Variants in ERBB4 observed in about 807,000 individuals in gnomAD.
ERBB4 encodes the protein receptor tyrosine-protein kinase erbB-4.
Under a neutral mutation model 158.0 loss-of-function variants are expected in ERBB4, and 42 were observed. The observed-to-expected ratio is 0.27, with a 90% CI of 0.21 to 0.34. ERBB4 has a LOEUF of 0.34. Among genes scored for constraint, ERBB4 ranks in the 10% least tolerant of loss-of-function variants. ERBB4 has a pLI of 1.00. For missense variants in ERBB4, 1,333 were observed against 1,624.1 expected, an observed-to-expected ratio of 0.82 and a Z score of 3.08; for synonymous variants, 583 against 558.7, an observed-to-expected ratio of 1.04 and a Z score of -0.61.
intron 3 of ERBB4, among the ~76,000 whole-genome samples, chr2:211,824,572 C>A (rs1430008998): frequency 6.6e-6 from 1 of 151,766 alleles, no homozygotes; most frequent in Non-Finnish European, 1.5e-5. Flanking sequence ...AATGCTACTT[C>A]AAAAGTTTTA....
At chr2:211,713,439 G>A (rs1199541276) in intron 8 of ERBB4, 96 bp downstream of exon 8, 5 of 755,178 alleles carry the variant, frequency 6.6e-6, no homozygotes, top group South Asian at 1.5e-5. Flanking sequence ...GGTTGTGAGA[G>A]TGGGTTTATA....
At chr2:211,675,272 A>C (rs6714941) in intron 13 of ERBB4, among the ~76,000 whole-genome samples, 87,197 of 151,880 alleles carry the variant, frequency 0.57, 26,099 homozygotes, top group African/African-American at 0.71. Flanking sequence ...GTATGTGTTA[A>C]CTTAGCAAGT....
At chr2:211,821,687 C>T (rs977255296) in intron 3 of ERBB4, among the ~76,000 whole-genome samples, 3 of 151,858 alleles carry the variant, frequency 2.0e-5, no homozygotes, top group African/African-American at 7.3e-5. Flanking sequence ...GAATAGAGAA[C>T]CCAGAAATTA....
At chr2:211,453,388 G>A (rs965128582) in intron 20 of ERBB4, among the ~76,000 whole-genome samples, 28 of 151,952 alleles carry the variant, frequency 1.8e-4, no homozygotes, top group African/African-American at 6.8e-4. Context: ...AAAAATTTTG[G>A]TTTATTTAAT....
chr2:211,852,681 C>A (rs1488686708), intron 3 of ERBB4, among the ~76,000 whole-genome samples: 1 of 136,430 alleles, frequency 7.3e-6, no homozygotes, highest in African/African-American at 2.7e-5. Flanking sequence ...TGTCTATCCA[C>A]TCTTCAATAG....
intron 2 of ERBB4, among the ~76,000 whole-genome samples, chr2:211,957,365 G>A (rs1475315656): frequency 2.6e-5 from 4 of 152,054 alleles, no homozygotes; most frequent in South Asian, 4.2e-4. Context: ...CAAGGAGAGA[G>A]ATCTCAGAAG....
At chr2:212,231,940 A>G (rs1428596145) in intron 1 of ERBB4, among the ~76,000 whole-genome samples, 1 of 152,150 alleles carries the variant, frequency 6.6e-6, no homozygotes, top group Non-Finnish European at 1.5e-5. Flanking sequence ...TTTAATCTGA[A>G]GCTTTTACTT....
chr2:211,878,089 C>G (rs970994688), intron 3 of ERBB4, among the ~76,000 whole-genome samples: 3 of 152,220 alleles, frequency 2.0e-5, no homozygotes, highest in African/African-American at 7.2e-5. Flanking sequence ...GCCTGAGGAA[C>G]AGAGCGAGAC....
intron 2 of ERBB4, among the ~76,000 whole-genome samples, chr2:212,112,264 C>G (rs1296064116): frequency 1.3e-5 from 2 of 151,976 alleles, no homozygotes; most frequent in African/African-American, 2.4e-5. Flanking sequence ...CTGTTTAATT[C>G]TTTTGACTAT....
At chr2:211,968,435 G>A (rs2081362109) in intron 2 of ERBB4, among the ~76,000 whole-genome samples, 1 of 151,974 alleles carries the variant, frequency 6.6e-6, no homozygotes, top group Non-Finnish European at 1.5e-5. Context: ...GACCAAATAG[G>A]ACATGATTAA....
At chr2:211,418,664 A>G (rs954230336) in intron 25 of ERBB4, among the ~76,000 whole-genome samples, 4 of 152,154 alleles carry the variant, frequency 2.6e-5, no homozygotes, top group African/African-American at 9.6e-5. Flanking sequence ...TAGCATTGCA[A>G]GCTAAGAAAG....
intron 2 of ERBB4, among the ~76,000 whole-genome samples, chr2:212,059,979 AG>A (rs1328170562): frequency 3.3e-5 from 5 of 152,234 alleles, no homozygotes; most frequent in African/African-American, 1.2e-4. Context: ...GCACAGCAAA[AG>A]AAAATACCAT....
chr2:212,045,779 T>C (rs890710098), intron 2 of ERBB4, among the ~76,000 whole-genome samples: 1 of 152,204 alleles, frequency 6.6e-6, no homozygotes, highest in African/African-American at 2.4e-5. Context: ...ATCAAAGTAG[T>C]CTGCTGAAAT....
intron 19 of ERBB4, among the ~76,000 whole-genome samples, chr2:211,584,279 T>C (rs779305350): frequency 6.6e-6 from 1 of 151,946 alleles, no homozygotes; most frequent in Non-Finnish European, 1.5e-5. Context: ...TTTGTTTTTG[T>C]TGTTATTGTT....
At chr2:212,264,945 G>T (rs1022641887) in intron 1 of ERBB4, among the ~76,000 whole-genome samples, 2 of 152,038 alleles carry the variant, frequency 1.3e-5, no homozygotes, top group African/African-American at 2.4e-5. Flanking sequence ...TTCCACATAG[G>T]AATGGAAGTG....
chr2:211,926,914 C>T lies in ERBB4; in HGVS notation c.421+20516G>A, dbSNP rs544968106. On this transcript the variant is annotated intron_variant, in intron 3 of 27. Coordinates refer to ENST00000342788, the MANE Select transcript of ERBB4 (RefSeq NM_005235.3). The stretch of plus-strand genomic sequence containing the variant: ...ACTATCTCCTCAAAAGCTGTCCTAT[C>T]CTCGGTTATACTTAGTCAATGTGAT... 6.8e-4 allele frequency among the ~76,000 whole-genome samples: 104 copies of T among 152,206 alleles called. 1 individual carries two copies. The highest frequency in any genetic ancestry group is 2.3e-3 in the South Asian group (11 of 4,818).
chr2:212,328,032 A>AG (rs1260525776), intron 1 of ERBB4, among the ~76,000 whole-genome samples: 2 of 151,090 alleles, frequency 1.3e-5, no homozygotes, highest in African/African-American at 4.9e-5. Context: ...ACAACTTTAA[A>AG]AAAAAAAAAA....
intron 1 of ERBB4, among the ~76,000 whole-genome samples, chr2:212,444,423 G>A (rs922979114): frequency 1.3e-5 from 2 of 152,148 alleles, no homozygotes; most frequent in Non-Finnish European, 2.9e-5. Flanking sequence ...GGATTGTCAG[G>A]GACTTAGACA....
intron 20 of ERBB4, among the ~76,000 whole-genome samples, chr2:211,481,487 AT>A (rs1166465335): frequency 6.6e-6 from 1 of 151,924 alleles, no homozygotes; most frequent in East Asian, 1.9e-4. Flanking sequence ...GAGCTGAAGA[AT>A]TTGCCACTCA....
Sources: allele counts gnomAD v4.1 joint callset (sites outside exome capture counted in the v4.1 genomes callset), GRCh38; gene constraint gnomAD v4.1.1; transcripts MANE v1.5; gene names NCBI Gene and HGNC (gene_info 2026-07-23, HGNC 2026-07-21).